SUSD4: variants seen among roughly 807,000 people sequenced by gnomAD.
The protein encoded by SUSD4 is sushi domain-containing protein 4.
SUSD4 carries 41 observed loss-of-function variants against 50.5 expected under a neutral mutation model. The observed-to-expected ratio is 0.81, with a 90% CI of 0.63 to 1.05. The LOEUF (loss-of-function observed/expected upper bound fraction) is 1.05, where lower values mean the gene tolerates loss of function less well. SUSD4 is among the 50% of genes least tolerant of loss of function. SUSD4 has a pLI of 0.00. For missense variants in SUSD4, 580 were observed against 634.7 expected (o/e 0.91, Z 0.93); for synonymous variants, 257 against 257.3 (o/e 1.00, Z 0.01).
chr1:223,225,535 G>T (rs1310059296), intron 7 of SUSD4, among the ~76,000 whole-genome samples: 1 of 152,104 alleles, frequency 6.6e-6, no homozygotes, highest in East Asian at 1.9e-4. Context: ...CTTGCTCCGA[G>T]CCAGACTGCT....
At chr1:223,301,233 T>A (rs1353353472) in intron 2 of SUSD4, among the ~76,000 whole-genome samples, 1 of 152,234 alleles carries the variant, frequency 6.6e-6, no homozygotes, top group African/African-American at 2.4e-5. Flanking sequence ...AATGATTCAA[T>A]AGAATACAAT....
chr1:223,307,999 G>A (rs1487650795), intron 2 of SUSD4, among the ~76,000 whole-genome samples: 2 of 152,172 alleles, frequency 1.3e-5, no homozygotes, highest in African/African-American at 4.8e-5. Context: ...ATTTGTGCCA[G>A]CAAATCCTTT....
At chr1:223,252,754 T>G (rs1661421925) in intron 5 of SUSD4, among the ~76,000 whole-genome samples, 1 of 152,038 alleles carries the variant, frequency 6.6e-6, no homozygotes, top group African/African-American at 2.4e-5. Context: ...CTTCCCCTTC[T>G]TAAGGCCTGG....
At chr1:223,272,193 C>T (rs1662966184) in intron 3 of SUSD4, among the ~76,000 whole-genome samples, 1 of 152,232 alleles carries the variant, frequency 6.6e-6, no homozygotes, top group African/African-American at 2.4e-5. Flanking sequence ...CACCACTGCA[C>T]TCTACAAAAA....
chr1:223,254,199 G>T (rs1179498044), intron 5 of SUSD4, among the ~76,000 whole-genome samples: 2 of 152,182 alleles, frequency 1.3e-5, no homozygotes, highest in Non-Finnish European at 2.9e-5. Context: ...TCCCATCTCT[G>T]AATGGTGGGG....
rs1359285104 is a variant in SUSD4, at chr1:223,268,044, C to CAT, written c.535+457_535+458insAT. Among the ~76,000 whole-genome samples the CAT allele has an allele frequency of 4.6e-4, 22 of 47,986 alleles. No homozygotes were observed. The South Asian group carries it at 7.6e-3, about 17-fold the overall frequency. The allele number at this position is 47,986 out of a possible 152,430, so 31.5% of individuals were successfully genotyped here. ...ATATATATATATATATATATATATA[C>CAT]ACACACACTGTTAAGAGAAAACAGC... is the stretch of plus-strand genomic sequence containing the variant. On this transcript the variant is annotated intron_variant, in intron 4 of 8. Coordinates refer to ENST00000366878, the MANE Select transcript of SUSD4 (RefSeq NM_017982.4).
intron 2 of SUSD4, among the ~76,000 whole-genome samples, chr1:223,334,234 C>T (rs1404739904): frequency 6.6e-6 from 1 of 151,894 alleles, no homozygotes; most frequent in Non-Finnish European, 1.5e-5. Context: ...AGTTCCTTAT[C>T]ATTAAAATAT....
At chr1:223,303,481 C>A (rs1449033193) in intron 2 of SUSD4, among the ~76,000 whole-genome samples, 7 of 147,402 alleles carry the variant, frequency 4.7e-5, no homozygotes, top group Non-Finnish European at 3.1e-5. Flanking sequence ...TTTTGACCTG[C>A]AAATTGTGAC....
rs984666 is a variant in SUSD4 at position 223,229,880 on chromosome 1, G to A, written c.725-492C>T. 3.3e-5 allele frequency among the ~76,000 whole-genome samples: 5 copies of A among 152,218 alleles called. No homozygotes were observed. Among genetic ancestry groups the A allele is most frequent in the Non-Finnish European group, 7.3e-5 (5 of 68,048 alleles). ...TCCCCTACAGCTCTGCTGAGGCTTA[G>A]CCAATGACGAACATGGAGCAGTTCT... On this transcript the variant is annotated intron_variant, in intron 5 of 8. Transcript: ENST00000366878. This position sits in a 1 kb window ranked among gnomAD's most constrained non-coding sequence, Gnocchi z 4.7.
At chr1:223,254,634 T>A (rs1301262882) in intron 5 of SUSD4, among the ~76,000 whole-genome samples, 1 of 152,106 alleles carries the variant, frequency 6.6e-6, no homozygotes, top group Non-Finnish European at 1.5e-5. Flanking sequence ...AAAAAAGGAA[T>A]AAGGTCTCTT....
intron 5 of SUSD4, among the ~76,000 whole-genome samples, chr1:223,236,179 C>T (rs1660206405): frequency 6.6e-6 from 1 of 152,164 alleles, no homozygotes; most frequent in Non-Finnish European, 1.5e-5. Context: ...GTCTTTGGAA[C>T]ATTTTAAAAT....
chr1:223,267,487 T>C (rs1283833245), intron 4 of SUSD4, among the ~76,000 whole-genome samples: 4 of 152,072 alleles, frequency 2.6e-5, no homozygotes, highest in Non-Finnish European at 5.9e-5. Context: ...CACCTGAAAA[T>C]GTAAATAAAT....
chr1:223,356,566 G>A (rs1053258169), intron 2 of SUSD4, among the ~76,000 whole-genome samples: 9 of 152,006 alleles, frequency 5.9e-5, no homozygotes, highest in African/African-American at 1.7e-4. Flanking sequence ...ATGAGCCACC[G>A]TGCCTGGCCA....
chr1:223,312,019 T>C (rs898560642), intron 2 of SUSD4, among the ~76,000 whole-genome samples: 3 of 152,342 alleles, frequency 2.0e-5, no homozygotes, highest in Non-Finnish European at 4.4e-5. Flanking sequence ...ACCAGGAAGA[T>C]ATTATTAATT....
intron 3 of SUSD4, among the ~76,000 whole-genome samples, chr1:223,283,920 T>A (rs1663944328): frequency 6.6e-6 from 1 of 152,230 alleles, no homozygotes; most frequent in African/African-American, 2.4e-5. Context: ...GATGAGTTCA[T>A]GTCCTTTGTA....
At position 223,340,337 on chromosome 1, in the gene SUSD4, GC is replaced by G. The variant is rs1667685388; in HGVS notation, c.148+22940del. Among the ~76,000 whole-genome samples the G allele has an allele frequency of 1.3e-5, 2 of 152,194 alleles. 1 individual carries two copies. The highest frequency in any genetic ancestry group is 4.1e-4 in the South Asian group (2 of 4,826). On this transcript the variant is annotated intron_variant, in intron 2 of 8. Coordinates refer to ENST00000366878, the MANE Select transcript of SUSD4 (RefSeq NM_017982.4). ...CTGGCCTGTCCATTCTTCTGAGGGG[GC>G]AGAGGGCACAGATGGGCATCTGATA...
Position 223,358,309 on chromosome 1 carries a change from A to C in SUSD4, c.148+4969T>G, listed in dbSNP as rs145219666. On this transcript the variant is annotated intron_variant, in intron 2 of 8. Coordinates refer to ENST00000366878, the MANE Select transcript of SUSD4 (RefSeq NM_017982.4). Reference sequence around the variant, plus strand: ...GAGCTGGCTTTACTCAGATTTTAGAATCCATCAAATTCCTGTAATCGCAGA... The same window carrying C: ...GAGCTGGCTTTACTCAGATTTTAGACTCCATCAAATTCCTGTAATCGCAGA... Among the ~76,000 whole-genome samples the C allele has an allele frequency of 3.0e-3, 460 of 152,248 alleles. 2 individuals carry two copies. Among genetic ancestry groups the C allele is most frequent in the Non-Finnish European group, 5.0e-3 (340 of 68,016 alleles).
At chr1:223,305,549 T>C (rs996344799) in intron 2 of SUSD4, among the ~76,000 whole-genome samples, 16 of 152,216 alleles carry the variant, frequency 1.1e-4, no homozygotes, top group African/African-American at 3.9e-4. Flanking sequence ...CTTAATTCAG[T>C]GTATTGTCAG....
intron 5 of SUSD4, among the ~76,000 whole-genome samples, chr1:223,248,335 A>G (rs1661079921): frequency 1.3e-5 from 2 of 152,136 alleles, no homozygotes; most frequent in South Asian, 4.2e-4. Flanking sequence ...GAAGACAGGG[A>G]CTCTGCTCCC....
Sources: gnomAD v4.1 joint callset for allele counts (sites outside exome capture counted in the v4.1 genomes callset) on GRCh38, gnomAD v4.1.1 for gene constraint, Gnocchi (gnomAD v3.1) non-coding constraint, MANE v1.5 for transcripts, NCBI Gene and HGNC (gene_info 2026-07-23, HGNC 2026-07-21) for gene names.